Variants in GALK2 observed in about 807,000 individuals in gnomAD.
The protein encoded by GALK2 is N-acetylgalactosamine kinase.
A neutral mutation model predicts 52.4 loss-of-function variants in GALK2; 36 were observed. The observed-to-expected ratio is 0.69, with a 90% confidence interval of 0.53 to 0.91. The LOEUF (loss-of-function observed/expected upper bound fraction) is 0.91, where lower values mean the gene tolerates loss of function less well. Among genes scored for constraint, GALK2 ranks in the 40% least tolerant of loss-of-function variants. The probability of loss-of-function intolerance (pLI) is 0.00; values close to 1 mark genes in which losing one functional copy is unlikely to be tolerated. For synonymous variants in GALK2, 176 were observed against 199.1 expected, an observed-to-expected ratio of 0.88 and a Z score of 0.98; for missense variants, 579 against 559.1, an observed-to-expected ratio of 1.04 and a Z score of -0.36.
rs200504210 is a variant in GALK2, at chr15:49,214,447, CA to C, written c.143-2742del. On this transcript the variant is annotated intron_variant, in intron 2 of 9. Coordinates refer to ENST00000560031, the MANE Select transcript of GALK2 (RefSeq NM_002044.4). ...CCGGGTTCAAGCGATTCTCCTGCCT[CA>C]GCCTCCCAAGTAGCTGGGACTACAG... Among the ~76,000 whole-genome samples, 732 of 150,324 alleles carry C rather than the reference CA, an allele frequency of 4.9e-3. 11 individuals are homozygous for C. The highest frequency in any genetic ancestry group is 0.017 in the African/African-American group (687 of 40,870).
intron 3 of GALK2, among the ~76,000 whole-genome samples, chr15:49,235,289 C>A (rs944270537): frequency 6.6e-6 from 1 of 152,158 alleles, no homozygotes; most frequent in Non-Finnish European, 1.5e-5. Flanking sequence ...TAGCATTTTA[C>A]CATAATAAAG....
chr15:49,219,169 C>A (rs570093904), intron 3 of GALK2, among the ~76,000 whole-genome samples: 2 of 152,306 alleles, frequency 1.3e-5, no homozygotes, highest in Admixed American at 1.3e-4. Flanking sequence ...CCACCCAAAT[C>A]TCATCTTGAA....
chr15:49,321,386 G>A (rs562060404), intron 9 of GALK2, among the ~76,000 whole-genome samples: 2 of 152,174 alleles, frequency 1.3e-5, no homozygotes, highest in Admixed American at 6.5e-5. Context: ...GTAGGCCATC[G>A]GAAGGCTTCT....
chr15:49,195,283 G>C (rs1434773017), intron 1 of GALK2: 1 of 306,578 alleles, frequency 3.3e-6, no homozygotes. Context: ...ATGTTGGCAA[G>C]GCTGGTCTGG....
intron 1 of GALK2, among the ~76,000 whole-genome samples, chr15:49,194,642 C>T (rs2087056926): frequency 1.4e-5 from 2 of 147,856 alleles, no homozygotes; most frequent in African/African-American, 2.5e-5. Flanking sequence ...ATTGCCTGGG[C>T]TGGAGTGCAA....
intron 8 of GALK2, among the ~76,000 whole-genome samples, chr15:49,293,766 T>C (rs1375055604): frequency 1.9e-4 from 29 of 151,680 alleles, no homozygotes; most frequent in Admixed American, 1.9e-3. Context: ...GGTGATGGAG[T>C]TGTACTTGGG....
chr15:49,352,940 A>G (rs764750115), intron 3 of GALK2, among the ~76,000 whole-genome samples: 6 of 152,178 alleles, frequency 3.9e-5, no homozygotes, highest in Non-Finnish European at 8.8e-5. Context: ...ACTGCAGTGT[A>G]TTAAACTTAG....
At chr15:49,278,640 T>C (rs1595936716) in intron 5 of GALK2, among the ~76,000 whole-genome samples, 1 of 152,042 alleles carries the variant, frequency 6.6e-6, no homozygotes, top group Non-Finnish European at 1.5e-5. Flanking sequence ...GGATAGGAGG[T>C]AATATATGGT....
At chr15:49,361,298 G>T (rs2044196863) in intron 3 of GALK2, among the ~76,000 whole-genome samples, 1 of 151,998 alleles carries the variant, frequency 6.6e-6, no homozygotes, top group Admixed American at 6.6e-5. Flanking sequence ...TTGTTACATA[G>T]GTAAATTGAT....
intron 5 of GALK2, among the ~76,000 whole-genome samples, chr15:49,276,420 A>T (rs16962257): frequency 0.06 from 9,184 of 152,210 alleles, 555 homozygotes; most frequent in African/African-American, 0.15. Context: ...ATTCATTTTG[A>T]TCTATCCATG....
chr15:49,189,508 G>C (rs939953614), intron 1 of GALK2, among the ~76,000 whole-genome samples: 2 of 152,000 alleles, frequency 1.3e-5, no homozygotes, highest in Non-Finnish European at 2.9e-5. Flanking sequence ...AAATACCTAT[G>C]ATAAAGTTTA....
intron 9 of GALK2, among the ~76,000 whole-genome samples, chr15:49,321,239 A>T (rs1056585183): frequency 9.0e-6 from 1 of 111,042 alleles, no homozygotes; most frequent in African/African-American, 5.6e-5. Flanking sequence ...GAGAACAGCA[A>T]ATGCATAGGC....
intron 7 of GALK2, among the ~76,000 whole-genome samples, chr15:49,288,200 T>G (rs1045975992): frequency 6.6e-6 from 1 of 152,230 alleles, no homozygotes; most frequent in Non-Finnish European, 1.5e-5. Context: ...GAAGTGCTTT[T>G]CTTATACAGT....
intron 2 of GALK2, among the ~76,000 whole-genome samples, chr15:49,210,940 T>C (rs1595681155): frequency 6.9e-6 from 1 of 143,894 alleles, no homozygotes; most frequent in African/African-American, 2.6e-5. Context: ...AGAGACGGGG[T>C]TTCCCAATGT....
At chr15:49,313,572 T>C (rs144177088) in intron 8 of GALK2, among the ~76,000 whole-genome samples, 1 of 152,358 alleles carries the variant, frequency 6.6e-6, no homozygotes, top group East Asian at 1.9e-4. Flanking sequence ...AGCACTCAGA[T>C]GTCTGCTGCA....
At chr15:49,192,708 A>T (rs945436497) in intron 1 of GALK2, among the ~76,000 whole-genome samples, 3 of 151,802 alleles carry the variant, frequency 2.0e-5, no homozygotes, top group Non-Finnish European at 4.4e-5. Context: ...ATCAGAATGC[A>T]TTGTTACTTT....
At chr15:49,222,038 A>G (rs954835316) in intron 3 of GALK2, among the ~76,000 whole-genome samples, 2 of 152,170 alleles carry the variant, frequency 1.3e-5, no homozygotes, top group African/African-American at 2.4e-5. Flanking sequence ...ATCCATGAAC[A>G]TGGGATGTCT....
chr15:49,169,800 C>G (rs1271307679), upstream of GALK2, among the ~76,000 whole-genome samples: 1 of 152,134 alleles, frequency 6.6e-6, no homozygotes, highest in Non-Finnish European at 1.5e-5. Flanking sequence ...TTTTATGTTG[C>G]TTGATTTGGA....
intron 3 of GALK2, among the ~76,000 whole-genome samples, chr15:49,364,942 T>A (rs542338788): frequency 2.6e-5 from 4 of 152,282 alleles, no homozygotes; most frequent in African/African-American, 9.6e-5. Context: ...GGCACAACTT[T>A]AACATTAAAA....
Sources: gnomAD v4.1 joint callset for allele counts (sites outside exome capture counted in the v4.1 genomes callset) on GRCh38, gnomAD v4.1.1 for gene constraint, MANE v1.5 for transcripts, NCBI Gene and HGNC (gene_info 2026-07-23, HGNC 2026-07-21) for gene names.